Variants in ARHGEF28 observed in about 807,000 individuals in gnomAD.
The protein encoded by ARHGEF28 is Rho guanine nucleotide exchange factor 28.
Under a neutral mutation model 206.6 loss-of-function variants are expected in ARHGEF28, and 152 were observed. That is an observed-to-expected ratio of 0.74 (90% CI 0.64 to 0.84). The LOEUF (loss-of-function observed/expected upper bound fraction) is 0.84. Ranked by LOEUF, ARHGEF28 falls within the 40% of genes least tolerant of loss-of-function variation. The pLI, the probability that ARHGEF28 is intolerant of heterozygous loss-of-function variation, is 0.00. For missense variants in ARHGEF28, 2,028 were observed against 2,073.2 expected, an observed-to-expected ratio of 0.98 and a Z score of 0.42; for synonymous variants, 763 against 776.4, an observed-to-expected ratio of 0.98 and a Z score of 0.29.
Position 73,893,262 on chromosome 5 carries a change from G to C in ARHGEF28, c.3632G>C (p.Arg1211Thr). The C allele has an allele frequency of 6.4e-7, 1 of 1,557,890 alleles. No homozygotes were observed. ...GAAGACAAGAGGAAAGCTGAAGCCA[G>C]AGTGGCCAAAATTCAGCAATGTCAA... is the stretch of plus-strand genomic sequence containing the variant. ...SDEDKRKAEARVAKIQQCQEI... is the reference protein window; with the variant it reads ...SDEDKRKAEATVAKIQQCQEI... The change falls in exon 28 of 36, where the codon AGA (arginine) becomes ACA (threonine). Residue 1211 changes from arginine (R) to threonine (T), a missense_variant. Physicochemically the swap from Arg to Thr is moderately conservative, Grantham distance 71. This residue lies in a region of ARHGEF28 where 803 missense variants were observed against 768.0 expected (regional missense o/e 1.05). Coordinates refer to ENST00000513042, the MANE Select transcript of ARHGEF28 (RefSeq NM_001177693.2).
At chr5:73,684,776 G>C in intron 1 of ARHGEF28, 65 bp from the exon 2 acceptor site, 1 of 1,422,184 alleles carries the variant, frequency 7.0e-7, no homozygotes, top group Non-Finnish European at 9.8e-7. Flanking sequence ...TAACTGGAGA[G>C]CTCTGCTGGT....
intron 1 of ARHGEF28, among the ~76,000 whole-genome samples, chr5:73,676,791 G>A (rs1746722395): frequency 6.6e-6 from 1 of 152,124 alleles, no homozygotes; most frequent in Non-Finnish European, 1.5e-5. Flanking sequence ...TCTAAAAAGT[G>A]AGTCTTTTTC....
chr5:73,913,939 T>A (rs1195438791), intron 35 of ARHGEF28, among the ~76,000 whole-genome samples: 2 of 152,180 alleles, frequency 1.3e-5, no homozygotes, highest in African/African-American at 2.4e-5. Context: ...TCTGGTACTG[T>A]GGATAGATGA....
chr5:73,846,136 G>A (rs1758339073), intron 11 of ARHGEF28, 132 bp from the exon 12 acceptor site: 1 of 773,932 alleles, frequency 1.3e-6, no homozygotes, highest in Admixed American at 2.8e-5. Flanking sequence ...TTAAATACTA[G>A]TTGGAAATTA....
chr5:73,816,640 C>T lies in ARHGEF28; in HGVS notation c.1025-15698C>T, dbSNP rs1031509731. Among the ~76,000 whole-genome samples, 10 of 152,318 alleles carry T rather than the reference C, an allele frequency of 6.6e-5. No individual in the cohort carries two copies. The East Asian group carries it at 1.9e-3, about 29-fold the overall frequency. On this transcript the variant is annotated intron_variant, in intron 9 of 35. Coordinates refer to ENST00000513042, the MANE Select transcript of ARHGEF28 (RefSeq NM_001177693.2). The stretch of plus-strand genomic sequence containing the variant: ...AAGAGGAAAATAACATTAGCAGAAA[C>T]TCGCTAATACCATATTTCAATTCAA...
chr5:73,905,586 T>G (rs938523617), intron 33 of ARHGEF28, among the ~76,000 whole-genome samples: 9 of 152,222 alleles, frequency 5.9e-5, no homozygotes, highest in African/African-American at 2.2e-4. Flanking sequence ...ATTTTAGAAT[T>G]GTTCTCTGTG....
intron 21 of ARHGEF28, among the ~76,000 whole-genome samples, chr5:73,871,753 T>C (rs1366759742): frequency 6.6e-6 from 1 of 152,248 alleles, no homozygotes; most frequent in Non-Finnish European, 1.5e-5. Context: ...ATGTTACTAG[T>C]CACTCCCCAT....
intron 2 of ARHGEF28, among the ~76,000 whole-genome samples, chr5:73,738,749 C>T (rs114676536): frequency 0.022 from 3,367 of 152,108 alleles, 107 homozygotes; most frequent in African/African-American, 0.077. Context: ...CCATGGAGAC[C>T]TGGGGTTGTT....
chr5:73,907,713 A>G (rs751692271), intron 33 of ARHGEF28, among the ~76,000 whole-genome samples: 18 of 152,264 alleles, frequency 1.2e-4, no homozygotes, highest in Non-Finnish European at 2.2e-4. Flanking sequence ...TCCTAAATAT[A>G]AATGTAAACT....
At chr5:73,880,883 G>T (rs1760878065) in intron 22 of ARHGEF28, among the ~76,000 whole-genome samples, 1 of 151,950 alleles carries the variant, frequency 6.6e-6, no homozygotes, top group Admixed American at 6.6e-5. Flanking sequence ...AGTGAGCCGA[G>T]ATCCTTCTCC....
chr5:73,911,469 G>A lies in ARHGEF28; in HGVS notation c.4842G>A (p.Val1614=), dbSNP rs775630403. 2 of 1,613,856 alleles carry A rather than the reference G, an allele frequency of 1.2e-6. No homozygotes were observed. Among genetic ancestry groups the A allele is most frequent in the Admixed American group, 3.3e-5 (2 of 60,008 alleles). Reference sequence around the variant, plus strand: ...GTGAACATCAAGTAGACCTCAAGGTGGACCCTTCTCAGCCTTCGAATGTCA... The same window carrying A: ...GTGAACATCAAGTAGACCTCAAGGTAGACCCTTCTCAGCCTTCGAATGTCA... ...RTSEHQVDLK[V]DPSQPSNVSH... is the part of the protein sequence containing the mutation. The change falls in exon 35 of 36, where the codon GTG becomes GTA. Residue 1614 remains valine, a synonymous_variant. Transcript: ENST00000513042.
At position 73,911,329 on chromosome 5, in the gene ARHGEF28, A is replaced by G; in HGVS notation, c.4702A>G (p.Asn1568Asp). Reference protein sequence around the residue: ...SLCHENSFFINEALVQMSFNT... With the variant: ...SLCHENSFFIDEALVQMSFNT... ...ATGTCATGAAAACTCATTCTTCATC[A>G]ATGAAGCTTTAGTACAAATGTCATT... The change falls in exon 35 of 36, where the codon AAT becomes GAT. Residue 1568 changes from asparagine (N) to aspartate (D), a missense_variant. Physicochemically the swap from Asn to Asp is conservative, Grantham distance 23 (BLOSUM62 1). Transcript: ENST00000513042. 1 of 1,611,060 alleles carries G rather than the reference A, an allele frequency of 6.2e-7. No homozygotes were observed. Among genetic ancestry groups the G allele is most frequent in the South Asian group, 1.1e-5 (1 of 90,264 alleles).
chr5:73,801,430 G>C (rs1168827694), intron 9 of ARHGEF28, among the ~76,000 whole-genome samples: 1 of 151,894 alleles, frequency 6.6e-6, no homozygotes, highest in Non-Finnish European at 1.5e-5. Flanking sequence ...CTGGGCAACA[G>C]AGCGAGACTC....
rs527712332 is a variant in ARHGEF28 at position 73,654,267 on chromosome 5, G to A, written c.-12+27945G>A. ...AGATCCAGGTGCTAGCAGAAAAAAGGGAAGGATGCCAGACAACCAGAACCC... is the reference window on the plus strand; with the variant it reads ...AGATCCAGGTGCTAGCAGAAAAAAGAGAAGGATGCCAGACAACCAGAACCC... On this transcript the variant is annotated intron_variant, in intron 1 of 35. Coordinates refer to ENST00000513042, the MANE Select transcript of ARHGEF28 (RefSeq NM_001177693.2). Among the ~76,000 whole-genome samples, 41 of 152,292 alleles carry A rather than the reference G, an allele frequency of 2.7e-4. 1 individual carries two copies. In the South Asian group the frequency reaches 8.1e-3, roughly 30 times the overall value.
At chr5:73,631,465 G>A (rs748763140) in intron 1 of ARHGEF28, among the ~76,000 whole-genome samples, 1 of 152,154 alleles carries the variant, frequency 6.6e-6, no homozygotes, top group Non-Finnish European at 1.5e-5. Context: ...TTTACTTTGA[G>A]CCTCTAACCC....
chr5:73,777,221 G>A (rs1299131135), intron 6 of ARHGEF28, among the ~76,000 whole-genome samples: 1 of 151,828 alleles, frequency 6.6e-6, no homozygotes, highest in Non-Finnish European at 1.5e-5. Context: ...GCCAGTCTCA[G>A]GGTTTAAAAC....
At chr5:73,680,434 CAAAAAA>C (rs71615795) in intron 1 of ARHGEF28, among the ~76,000 whole-genome samples, 77 of 30,508 alleles carry the variant, frequency 2.5e-3, no homozygotes, top group African/African-American at 8.0e-3. Flanking sequence ...GACTCCATCT[CAAAAAA>C]AAAAAAAAAA....
chr5:73,774,219 G>A (rs911803344), intron 5 of ARHGEF28, among the ~76,000 whole-genome samples, 181 bp downstream of exon 5: 2 of 152,114 alleles, frequency 1.3e-5, no homozygotes, highest in African/African-American at 4.8e-5. Context: ...TGTTTCATGA[G>A]GGTGAGATAG....
intron 2 of ARHGEF28, among the ~76,000 whole-genome samples, chr5:73,736,304 CGCAG>C (rs1750927811): frequency 6.6e-6 from 1 of 152,112 alleles, no homozygotes; most frequent in African/African-American, 2.4e-5. Context: ...CTGTGGGGGA[CGCAG>C]CACTGACCAC....
Sources: gnomAD v4.1 joint callset for allele counts (sites outside exome capture counted in the v4.1 genomes callset) on GRCh38, gnomAD v4.1.1 for gene constraint, gnomAD v4.1.1 regional missense constraint, MANE v1.5 for transcripts, NCBI Gene and HGNC (gene_info 2026-07-23, HGNC 2026-07-21) for gene names.